POLR3F: variants seen among roughly 807,000 people sequenced by gnomAD.
POLR3F encodes DNA-directed RNA polymerase III subunit RPC6.
A neutral mutation model predicts 43.6 loss-of-function variants in POLR3F; 31 were observed. The ratio of observed to expected loss-of-function variants is 0.71; its 90% CI spans 0.53 to 0.96. The LOEUF is 0.96. POLR3F is among the 40% of genes least tolerant of loss of function. The pLI, the probability that POLR3F is intolerant of heterozygous loss-of-function variation, is 0.00. For synonymous variants in POLR3F, 114 were observed against 132.5 expected, an observed-to-expected ratio of 0.86 and a Z score of 0.96; for missense variants, 316 against 391.7, an observed-to-expected ratio of 0.81 and a Z score of 1.63.
At chr20:18,474,031 T>C (rs1180000771) in intron 4 of POLR3F, among the ~76,000 whole-genome samples, 1 of 152,120 alleles carries the variant, frequency 6.6e-6, no homozygotes, top group African/African-American at 2.4e-5. Context: ...AATTGAGATG[T>C]AATCTGAAAT....
chr20:18,483,674 T>C lies in POLR3F; in HGVS notation c.*116T>C. 3 of 478,312 alleles carry C rather than the reference T, an allele frequency of 6.3e-6. No homozygotes were observed. The highest frequency in any genetic ancestry group is 3.3e-4 in the Middle Eastern group (1 of 2,998). 29.6% of individuals were successfully genotyped at this position (478,312 alleles called of 1,614,324 possible). On this transcript the variant is annotated 3_prime_UTR_variant, in exon 9 of 9. Coordinates refer to ENST00000377603, the MANE Select transcript of POLR3F (RefSeq NM_006466.4). Reference sequence around the variant, plus strand: ...AAAGCAAACTTCACAATAATGGACGTAGACTTGCTGCTATGAAAACATATT... The same window carrying C: ...AAAGCAAACTTCACAATAATGGACGCAGACTTGCTGCTATGAAAACATATT...
rs115504648 is a variant in POLR3F, at chr20:18,479,985, T to C, written c.430-53T>C. On this transcript the variant is annotated intron_variant, in intron 5 of 8. Coordinates refer to ENST00000377603, the MANE Select transcript of POLR3F (RefSeq NM_006466.4). ...CTGTTCCAAAATATAGGTGTTTTTG[T>C]TTTTGGAAATTGTTATCTTATAAAC... is the stretch of plus-strand genomic sequence containing the variant. 936 of 1,432,870 alleles carry C rather than the reference T, an allele frequency of 6.5e-4. 6 individuals carry two copies. In the African/African-American group the frequency reaches 0.012, roughly 19 times the overall value. The allele number at this position is 1,432,870 out of a possible 1,614,324, so 88.8% of individuals were successfully genotyped here.
chr20:18,470,977 A>G (rs899821808), intron 2 of POLR3F, among the ~76,000 whole-genome samples: 1 of 152,120 alleles, frequency 6.6e-6, no homozygotes, highest in Non-Finnish European at 1.5e-5. Flanking sequence ...ACTGGTTTCC[A>G]TGACTCCATC....
chr20:18,484,295 CTT>C lies in POLR3F; in HGVS notation c.*739_*740del. The stretch of plus-strand genomic sequence containing the variant: ...TTTCACTCTTTAACTCAAATGTATT[CTT>C]TGTTAGAATTTACCCTAGATTCTTA... On this transcript the variant is annotated 3_prime_UTR_variant, in exon 9 of 9. Coordinates refer to ENST00000377603, the MANE Select transcript of POLR3F (RefSeq NM_006466.4). 1 of 395,548 alleles carries C rather than the reference CTT, an allele frequency of 2.5e-6. No homozygotes were observed. Among genetic ancestry groups the C allele is most frequent in the Non-Finnish European group, 4.5e-6 (1 of 224,638 alleles). The allele number at this position is 395,548 out of a possible 1,614,324, so 24.5% of individuals were successfully genotyped here. A position where few individuals can be genotyped will look rare whatever the true frequency, so the allele number is the denominator to read the frequency against.
intron 8 of POLR3F, among the ~76,000 whole-genome samples, chr20:18,483,048 A>G (rs1294762399): frequency 6.6e-6 from 1 of 151,834 alleles, no homozygotes; most frequent in African/African-American, 2.4e-5. Flanking sequence ...AGCAGGCCCT[A>G]TTATAGTATG....
At chr20:18,473,929 T>C (rs2424209) in intron 4 of POLR3F, among the ~76,000 whole-genome samples, 150,852 of 152,152 alleles carry the variant, frequency 0.99, 74,784 homozygotes, top group East Asian at 1. Context: ...AGCTATAGTT[T>C]CTCTTCTACC....
intron 2 of POLR3F, among the ~76,000 whole-genome samples, chr20:18,471,312 C>T (rs1031752017): frequency 3.3e-5 from 5 of 152,164 alleles, no homozygotes; most frequent in Non-Finnish European, 5.9e-5. Flanking sequence ...AGATGACTAA[C>T]GCATTAGGAC....
At chr20:18,481,983 C>CTTTTT (rs56160449) in intron 8 of POLR3F, among the ~76,000 whole-genome samples, 173 bp downstream of exon 8, 9 of 74,326 alleles carry the variant, frequency 1.2e-4, no homozygotes, top group Admixed American at 1.7e-4. Flanking sequence ...CATTCCTTTA[C>CTTTTT]TTTTTTTTTT....
chr20:18,481,012 C>T (rs1300082728), intron 7 of POLR3F, among the ~76,000 whole-genome samples: 1 of 152,122 alleles, frequency 6.6e-6, no homozygotes, highest in African/African-American at 2.4e-5. Context: ...TTTTATAAAT[C>T]TCCAATAAAT....
chr20:18,483,898 A>G lies in POLR3F; in HGVS notation c.*340A>G, dbSNP rs924146878. ...TTTACCAAGTACTATGATAATGGCTAGAGTATAAAAATGTTCTTTTTAAAG... is the reference window on the plus strand; with the variant it reads ...TTTACCAAGTACTATGATAATGGCTGGAGTATAAAAATGTTCTTTTTAAAG... On this transcript the variant is annotated 3_prime_UTR_variant, in exon 9 of 9. Transcript: ENST00000377603. 2.5e-6 allele frequency: 1 copy of G among 394,068 alleles called. No homozygotes were observed. Among genetic ancestry groups the G allele is most frequent in the African/African-American group, 2.1e-5 (1 of 48,572 alleles). The allele number at this position is 394,068 out of a possible 1,614,324, so 24.4% of individuals were successfully genotyped here. A position where few individuals can be genotyped will look rare whatever the true frequency, so the allele number is the denominator to read the frequency against.
At chr20:18,470,656 T>C (rs6111978) in intron 2 of POLR3F, 504 of 154,830 alleles carry the variant, frequency 3.3e-3, no homozygotes, top group African/African-American at 0.01. Context: ...AAAAGTTCTT[T>C]TCTTCCTCTG....
chr20:18,472,871 G>A lies in POLR3F; in HGVS notation c.210G>A (p.Thr70=), dbSNP rs778493096. Residue 70 remains threonine, a synonymous_variant, in exon 3 of 9, where the codon ACG becomes ACA. Coordinates refer to ENST00000377603, the MANE Select transcript of POLR3F (RefSeq NM_006466.4). ...AGTTGGATCTCTTAAGGAGCAATACGGGCCTTTTATATAGAATAAAGGACT... is the reference window on the plus strand; with the variant it reads ...AGTTGGATCTCTTAAGGAGCAATACAGGCCTTTTATATAGAATAAAGGACT... ...MGQLDLLRSN[T]GLLYRIKDSQ... is the part of the protein sequence containing the mutation. 9.3e-6 allele frequency: 14 copies of A among 1,512,524 alleles called. No homozygotes were observed. The highest frequency in any genetic ancestry group is 3.6e-5 in the South Asian group (3 of 83,994). The allele number at this position is 1,512,524 out of a possible 1,614,324, so 93.7% of individuals were successfully genotyped here.
chr20:18,481,742 C>G lies in POLR3F; in HGVS notation c.805C>G (p.Leu269Val). ...TVGSVDGHMK[L>V]YRAVNPIIPP... ...TGGCAGTGTAGATGGACACATGAAA[C>G]TGTACAGGGCAGTCAATCCAATCAT... Residue 269 changes from leucine (L) to valine (V), a missense_variant, in exon 8 of 9, where the codon CTG becomes GTG. Coordinates refer to ENST00000377603, the MANE Select transcript of POLR3F (RefSeq NM_006466.4). The G allele has an allele frequency of 6.2e-7, 1 of 1,613,442 alleles. No homozygotes were observed. Among genetic ancestry groups the G allele is most frequent in the South Asian group, 1.1e-5 (1 of 91,066 alleles).
Position 18,467,577 on chromosome 20 carries a change from G to A in POLR3F, c.62+9G>A. 3.7e-6 allele frequency: 6 copies of A among 1,614,244 alleles called. No individual in the cohort carries two copies. The highest frequency in any genetic ancestry group is 5.1e-6 in the Non-Finnish European group (6 of 1,180,038). ...GTCGAAATAGAAAACAGGTAAACCAGTGAGGCTCCGGCTTGGCACTCCATC... is the reference window on the plus strand; with the variant it reads ...GTCGAAATAGAAAACAGGTAAACCAATGAGGCTCCGGCTTGGCACTCCATC... On this transcript the variant is annotated intron_variant, in intron 1 of 8. Coordinates refer to ENST00000377603, the MANE Select transcript of POLR3F (RefSeq NM_006466.4).
Position 18,481,686 on chromosome 20 carries a change from T to G in POLR3F, c.749T>G (p.Met250Arg). ...CTCATTTATGATGGAAAAGTGGAGA[T>G]GACGATTATTGCTGCAAAAGAAGGC... ...NTLIYDGKVE[M>R]TIIAAKEGTV... Residue 250 changes from methionine to arginine, a missense_variant, in exon 8 of 9, where the codon ATG becomes AGG. Physicochemically the swap from Met to Arg is moderately conservative, Grantham distance 91 (BLOSUM62 -1). Transcript: ENST00000377603. 6.2e-7 allele frequency: 1 copy of G among 1,612,926 alleles called. No homozygotes were observed.
chr20:18,468,669 T>G (rs1375416763), intron 1 of POLR3F, among the ~76,000 whole-genome samples: 1 of 152,192 alleles, frequency 6.6e-6, no homozygotes, highest in Non-Finnish European at 1.5e-5. Context: ...GCTTTAATAT[T>G]TTTTCTGTGA....
At chr20:18,471,356 AC>A (rs992581798) in intron 2 of POLR3F, among the ~76,000 whole-genome samples, 1 of 151,872 alleles carries the variant, frequency 6.6e-6, no homozygotes, top group Admixed American at 6.6e-5. Flanking sequence ...AAGTCACTGA[AC>A]CCCCCCAGGT....
chr20:18,473,931 T>C (rs1414533841), intron 4 of POLR3F, among the ~76,000 whole-genome samples: 5 of 152,070 alleles, frequency 3.3e-5, no homozygotes, highest in African/African-American at 9.7e-5. Context: ...CTATAGTTTC[T>C]CTTCTACCCG....
At chr20:18,479,966 C>A in intron 5 of POLR3F, 72 bp from the exon 6 acceptor site, 1 of 1,131,556 alleles carries the variant, frequency 8.8e-7, no homozygotes, top group Non-Finnish European at 1.3e-6. Flanking sequence ...TAAACTGTTC[C>A]AAAATATAGG....
Sources: gnomAD v4.1 joint callset for allele counts (sites outside exome capture counted in the v4.1 genomes callset) on GRCh38, gnomAD v4.1.1 for gene constraint, MANE v1.5 for transcripts, NCBI Gene and HGNC (gene_info 2026-07-23, HGNC 2026-07-21) for gene names.